EARS2: variants seen among roughly 807,000 people sequenced by gnomAD.
EARS2 encodes nondiscriminating glutamyl-tRNA synthetase EARS2, mitochondrial.
Under a neutral mutation model 54.1 loss-of-function variants are expected in EARS2, and 50 were observed. The observed-to-expected ratio is 0.92, with a 90% CI of 0.74 to 1.17. The LOEUF is 1.17. Ranked by LOEUF, EARS2 falls within the 50% of genes most tolerant of loss-of-function variation. EARS2 has a pLI of 0.00. For synonymous variants in EARS2, 298 were observed against 281.0 expected (o/e 1.06, Z -0.61); for missense variants, 673 against 675.0 (o/e 1.00, Z 0.03).
At chr16:23,536,682 C>CTTT (rs953231916) in intron 3 of EARS2, among the ~76,000 whole-genome samples, 9 of 113,478 alleles carry the variant, frequency 7.9e-5, no homozygotes, top group Admixed American at 1.8e-4. Flanking sequence ...CTTTTTTTTT[C>CTTT]TTTTTTTTTT....
chr16:23,541,012 A>AC (rs1302538656), intron 3 of EARS2, among the ~76,000 whole-genome samples: 6 of 150,724 alleles, frequency 4.0e-5, no homozygotes, highest in African/African-American at 1.5e-4. Flanking sequence ...TAAATAAATA[A>AC]ATAACATAAA....
intron 2 of EARS2, among the ~76,000 whole-genome samples, chr16:23,547,652 G>A (rs1019333523): frequency 6.6e-6 from 1 of 152,024 alleles, no homozygotes; most frequent in Non-Finnish European, 1.5e-5. Context: ...TTACAAGCAT[G>A]TGCCACCACG....
At chr16:23,537,506 C>T (rs1965440337) in intron 3 of EARS2, 1 of 152,170 alleles carries the variant, frequency 6.6e-6, no homozygotes, top group Non-Finnish European at 1.5e-5. Flanking sequence ...TAAATAAAAC[C>T]AGGAAGAAAA....
chr16:23,556,988 G>A (rs1314032770), intron 1 of EARS2: 2 of 749,136 alleles, frequency 2.7e-6, no homozygotes, highest in African/African-American at 3.5e-5. Context: ...GATCGAAAGA[G>A]ATGGGATGGC....
chr16:23,552,200 G>C lies in EARS2; in HGVS notation c.244C>G (p.Arg82Gly), dbSNP rs201848368. 6.2e-7 allele frequency: 1 copy of C among 1,614,146 alleles called. No individual in the cohort carries two copies. The highest frequency in any genetic ancestry group is 8.5e-7 in the Non-Finnish European group (1 of 1,180,024). ...TTCTCCGCTGCCCCAGGCACAACGC[G>C]AGTCTGATCTGTGTCCTCTAGCCTC... ...ILRLEDTDQT[R>G]VVPGAAENIE... Residue 82 changes from arginine (R) to glycine (G), a missense_variant, in exon 2 of 9, where the codon CGC (arginine) becomes GGC (glycine). Arg to Gly is a moderately radical substitution (Grantham distance 125, BLOSUM62 -2). Coordinates refer to ENST00000449606, the MANE Select transcript of EARS2 (RefSeq NM_001083614.2).
At chr16:23,556,385 G>C (rs527743597) in intron 1 of EARS2, among the ~76,000 whole-genome samples, 1 of 152,046 alleles carries the variant, frequency 6.6e-6, no homozygotes, top group South Asian at 2.1e-4. Context: ...ACACAGTTTC[G>C]CTCTTGTTGC....
intron 3 of EARS2, among the ~76,000 whole-genome samples, chr16:23,541,541 A>C (rs1015529846): frequency 6.6e-6 from 1 of 152,172 alleles, no homozygotes; most frequent in African/African-American, 2.4e-5. Flanking sequence ...GTGAATAAGG[A>C]AAAAGAGAAA....
chr16:23,544,568 G>C lies in EARS2; in HGVS notation c.431C>G (p.Pro144Arg). The C allele has an allele frequency of 1.9e-6, 3 of 1,614,152 alleles. No homozygotes were observed. Among genetic ancestry groups the C allele is most frequent in the Non-Finnish European group, 2.5e-6 (3 of 1,180,012 alleles). ...CTTCTTCAGGAGCTCCAGCCGCTGG[G>C]GTGAGCAGAAACAGGGGTAAGCAGC... ...TGAAYPCFCS[P>R]QRLELLKKEA... Residue 144 changes from proline (P) to arginine (R), a missense_variant, in exon 3 of 9, where the codon CCC (proline) becomes CGC (arginine). Pro to Arg is a moderately radical substitution (Grantham distance 103). Coordinates refer to ENST00000449606, the MANE Select transcript of EARS2 (RefSeq NM_001083614.2).
At chr16:23,547,040 G>C (rs1965614651) in intron 2 of EARS2, among the ~76,000 whole-genome samples, 1 of 152,218 alleles carries the variant, frequency 6.6e-6, no homozygotes, top group Admixed American at 6.5e-5. Flanking sequence ...TAGGAGAACT[G>C]AAAACATGTT....
intron 7 of EARS2, among the ~76,000 whole-genome samples, chr16:23,528,893 T>C (rs1486945520): frequency 6.6e-6 from 1 of 152,212 alleles, no homozygotes; most frequent in Non-Finnish European, 1.5e-5. Flanking sequence ...GTCATTTCTT[T>C]TGTCTGGTAG....
At position 23,535,367 on chromosome 16, in the gene EARS2, G is replaced by C. The variant is rs1470403799; in HGVS notation, c.486-7C>G. ...CCTGCACCGATTGTCATACCTGATG[G>C]GGAGCAGAGCAGCATGAGTACTGTT... On this transcript the variant is annotated splice_polypyrimidine_tract_variant and splice_region_variant and intron_variant, in intron 3 of 8. Transcript: ENST00000449606. The C allele has an allele frequency of 6.3e-7, 1 of 1,596,376 alleles. No homozygotes were observed.
Position 23,525,363 on chromosome 16 carries a change from T to A in EARS2, c.1369A>T (p.Ser457Cys), listed in dbSNP as rs6497671. 6.2e-7 allele frequency: 1 copy of A among 1,613,586 alleles called. No individual in the cohort carries two copies. The highest frequency in any genetic ancestry group is 8.5e-7 in the Non-Finnish European group (1 of 1,179,850). The change falls in exon 8 of 9, where the codon AGT (serine) becomes TGT (cysteine). Residue 457 changes from serine to cysteine, a missense_variant. Ser to Cys is a moderately radical substitution (Grantham distance 112, BLOSUM62 -1). This residue lies in a region of EARS2 where 338 missense variants were observed against 361.2 expected (regional missense o/e 0.94). Coordinates refer to ENST00000449606, the MANE Select transcript of EARS2 (RefSeq NM_001083614.2). Reference protein sequence around the residue: ...KRVLGLLERSSMSLTQDMLNG... With the variant: ...KRVLGLLERSCMSLTQDMLNG... ...AGCATATCCTGAGTTAAGCTCATAC[T>A]AGATCTTTCTAGAAGCCTAGAAGAA...
intron 7 of EARS2, among the ~76,000 whole-genome samples, chr16:23,527,550 CTTTTTTTTTTTT>C (rs33925429): frequency 1.2e-5 from 1 of 84,484 alleles, no homozygotes; most frequent in East Asian, 3.2e-4. Context: ...AGTGATCGTT[CTTTTTTTTTTTT>C]TTTTTTTTTG....
At position 23,544,405 on chromosome 16, in the gene EARS2, C is replaced by T. The variant is rs2369009; in HGVS notation, c.485+109G>A. The T allele has an allele frequency of 0.78, 896,712 of 1,146,926 alleles. 353,310 individuals carry two copies. The highest frequency in any genetic ancestry group is 0.81 in the Non-Finnish European group (668,657 of 823,684). 71.0% of individuals were successfully genotyped at this position (1,146,926 alleles called of 1,614,324 possible). ...GGTGAGGCCACGCTCAGATGCCTGA[C>T]CCACAGAAACTGAGAGGTAATACAT... On this transcript the variant is annotated intron_variant, in intron 3 of 8. Coordinates refer to ENST00000449606, the MANE Select transcript of EARS2 (RefSeq NM_001083614.2).
At chr16:23,537,993 C>T (rs1026394916) in intron 3 of EARS2, among the ~76,000 whole-genome samples, 7 of 151,608 alleles carry the variant, frequency 4.6e-5, no homozygotes, top group Admixed American at 1.3e-4. Flanking sequence ...AATGGGGGCT[C>T]ACCATGTTGC....
intron 1 of EARS2, among the ~76,000 whole-genome samples, chr16:23,556,340 T>C (rs1965783797): frequency 6.6e-6 from 1 of 152,194 alleles, no homozygotes; most frequent in Non-Finnish European, 1.5e-5. Context: ...TGCGATTTCC[T>C]CTACCCAGAA....
At chr16:23,529,481 G>C in intron 7 of EARS2, 21 bp downstream of exon 7, 1 of 1,610,204 alleles carries the variant, frequency 6.2e-7, no homozygotes, top group South Asian at 1.1e-5. Context: ...GGAACCCTGA[G>C]CTCAGCCTGC....
intron 1 of EARS2, 34 bp downstream of exon 1, chr16:23,557,171 C>T (rs1274616640): frequency 2.0e-6 from 3 of 1,504,292 alleles, no homozygotes; most frequent in South Asian, 1.3e-5. Context: ...GGACAGGGGG[C>T]CTCGGCCTGT....
At chr16:23,539,250 T>C (rs1165852735) in intron 3 of EARS2, among the ~76,000 whole-genome samples, 2 of 152,122 alleles carry the variant, frequency 1.3e-5, no homozygotes, top group Non-Finnish European at 2.9e-5. Context: ...AAAGTAATAG[T>C]TTTTACAGAT....
Sources: allele counts gnomAD v4.1 joint callset (sites outside exome capture counted in the v4.1 genomes callset), GRCh38; gene constraint gnomAD v4.1.1; regional missense constraint gnomAD v4.1.1; transcripts MANE v1.5; gene names NCBI Gene and HGNC (gene_info 2026-07-23, HGNC 2026-07-21).